The following TNR variants were observed in gnomAD, a reference collection of about 807,000 sequenced individuals.
TNR encodes the protein tenascin-R.
In TNR, 45 loss-of-function variants were observed where a neutral mutation model predicts 150.4. That is an observed-to-expected ratio of 0.30 (90% CI 0.24 to 0.38). TNR has a LOEUF of 0.38. TNR is among the 10% of genes least tolerant of loss of function. The pLI, the probability that TNR is intolerant of heterozygous loss-of-function variation, is 1.00. For synonymous variants in TNR, 687 were observed against 678.4 expected (o/e 1.01, Z -0.20); for missense variants, 1,544 against 1,759.1 (o/e 0.88, Z 2.19).
intron 1 of TNR, among the ~76,000 whole-genome samples, chr1:175,696,259 A>T: frequency 7.9e-6 from 1 of 125,910 alleles, no homozygotes; most frequent in Non-Finnish European, 1.6e-5. Flanking sequence ...AATTTAAGGG[A>T]CCAATCTAGA....
At chr1:175,374,667 C>T (rs1327689357) in intron 9 of TNR, among the ~76,000 whole-genome samples, 2 of 152,096 alleles carry the variant, frequency 1.3e-5, no homozygotes, top group Non-Finnish European at 2.9e-5. Context: ...TTTCCTAGGC[C>T]CTGTTGGCAA....
At position 175,620,339 on chromosome 1, in the gene TNR, G is replaced by A. The variant is rs79488861; in HGVS notation, c.-164-91970C>T. Among the ~76,000 whole-genome samples the A allele has an allele frequency of 1.4e-3, 214 of 152,330 alleles. 3 individuals are homozygous for A. Among genetic ancestry groups the A allele is most frequent in the African/African-American group, 4.4e-3 (184 of 41,564 alleles). On this transcript the variant is annotated intron_variant, in intron 1 of 22. Transcript: ENST00000367674. ...GGGTGTGAGCTGAGCTTGGAAGCCT[G>A]ATAGAATTGGAATAGGCAGAGAGAA...
intron 12 of TNR, 37 bp downstream of exon 12, chr1:175,364,973 C>T (rs1325483443): frequency 3.8e-6 from 6 of 1,566,292 alleles, no homozygotes; most frequent in South Asian, 1.2e-5. Context: ...CTGTGAAAAC[C>T]CCTTTCATCA....
intron 2 of TNR, among the ~76,000 whole-genome samples, chr1:175,480,236 A>G (rs892039052): frequency 5.3e-5 from 8 of 151,922 alleles, no homozygotes; most frequent in Non-Finnish European, 8.8e-5. Flanking sequence ...AAAGTTGAGA[A>G]GGCAGCACCA....
intron 1 of TNR, among the ~76,000 whole-genome samples, chr1:175,703,841 G>C (rs1666770397): frequency 6.6e-6 from 1 of 152,220 alleles, no homozygotes; most frequent in Non-Finnish European, 1.5e-5. Flanking sequence ...AGGGGTATGG[G>C]CTCTGAAGTC....
At chr1:175,328,718 C>T (rs1486738188) in intron 21 of TNR, among the ~76,000 whole-genome samples, 1 of 152,194 alleles carries the variant, frequency 6.6e-6, no homozygotes, top group East Asian at 1.9e-4. Context: ...CTGTTCTGGC[C>T]TCCATAGGCC....
chr1:175,425,768 G>T (rs769184039), intron 2 of TNR, among the ~76,000 whole-genome samples: 1 of 152,050 alleles, frequency 6.6e-6, no homozygotes, highest in African/African-American at 2.4e-5. Flanking sequence ...CATTTCTATA[G>T]GCTGGGCCTG....
At chr1:175,727,422 G>A (rs1237249378) in intron 1 of TNR, among the ~76,000 whole-genome samples, 1 of 152,208 alleles carries the variant, frequency 6.6e-6, no homozygotes, top group Admixed American at 6.5e-5. Context: ...GAGTAGTGAG[G>A]ATGGAAGCCT....
At chr1:175,653,361 T>C (rs935191667) in intron 1 of TNR, among the ~76,000 whole-genome samples, 1 of 152,168 alleles carries the variant, frequency 6.6e-6, no homozygotes, top group African/African-American at 2.4e-5. Flanking sequence ...CTTAACAACG[T>C]GGCAGTAAAT....
intron 1 of TNR, among the ~76,000 whole-genome samples, chr1:175,660,496 C>T (rs1312518623): frequency 6.6e-6 from 1 of 152,198 alleles, no homozygotes; most frequent in Non-Finnish European, 1.5e-5. Context: ...TTTCTGTGTG[C>T]CTCAGTCTCT....
At chr1:175,657,853 G>GTATATATATA (rs59315046) in intron 1 of TNR, among the ~76,000 whole-genome samples, 1,330 of 70,316 alleles carry the variant, frequency 0.019, 42 homozygotes, top group Middle Eastern at 0.029. Flanking sequence ...CATGGAACAT[G>GTATATATATA]TATATATATA....
chr1:175,555,253 C>T (rs1330449586), intron 1 of TNR, among the ~76,000 whole-genome samples: 1 of 152,116 alleles, frequency 6.6e-6, no homozygotes, highest in Non-Finnish European at 1.5e-5. Flanking sequence ...GGGGAAAAAT[C>T]TCAGATATTT....
intron 1 of TNR, among the ~76,000 whole-genome samples, chr1:175,715,989 G>A (rs1478123616): frequency 2.0e-5 from 3 of 152,184 alleles, no homozygotes; most frequent in Non-Finnish European, 2.9e-5. Context: ...ATCAATTTCC[G>A]AGTAGCAGGC....
chr1:175,541,341 T>C (rs1353801636), intron 1 of TNR, among the ~76,000 whole-genome samples: 1 of 152,256 alleles, frequency 6.6e-6, no homozygotes, highest in Non-Finnish European at 1.5e-5. Flanking sequence ...GGCAGCTCCC[T>C]GCCCCTATGG....
chr1:175,323,672 G>A (rs1371187104), intron 22 of TNR, among the ~76,000 whole-genome samples, 196 bp from the exon 23 acceptor site: 2 of 152,190 alleles, frequency 1.3e-5, no homozygotes, highest in African/African-American at 2.4e-5. Flanking sequence ...TAAATGTGCC[G>A]GTGGCCTGGG....
Position 175,359,637 on chromosome 1 carries a change from G to A in TNR, c.2949C>T (p.Tyr983=), listed in dbSNP as rs1206369429. Reference sequence around the variant, plus strand: ...CTGCAAAGTGTGTAAGAACAATGACGTAGTTCTCCACCTCACCCACTGGTG... The same window carrying A: ...CTGCAAAGTGTGTAAGAACAATGACATAGTTCTCCACCTCACCCACTGGTG... The part of the protein sequence containing the change: ...WKAPVGEVEN[Y]VIVLTHFAVA... Residue 983 remains tyrosine (Y), a synonymous_variant, in exon 15 of 23, where the codon TAC becomes TAT. Transcript: ENST00000367674. The A allele has an allele frequency of 7.4e-6, 12 of 1,613,760 alleles. No homozygotes were observed. In the East Asian group the frequency reaches 8.9e-5, roughly 12 times the overall value.
chr1:175,683,989 A>G (rs975187867), intron 1 of TNR, among the ~76,000 whole-genome samples: 5 of 152,138 alleles, frequency 3.3e-5, no homozygotes, highest in African/African-American at 1.2e-4. Flanking sequence ...CTGCTCCGGG[A>G]GCTGGGAGAC....
intron 5 of TNR, 27 bp from the exon 6 acceptor site, chr1:175,393,922 T>C (rs375653753): frequency 6.4e-6 from 10 of 1,550,754 alleles, no homozygotes; most frequent in African/African-American, 5.4e-5. Context: ...TAGGTGACAA[T>C]GTCATGGCTA....
intron 1 of TNR, among the ~76,000 whole-genome samples, chr1:175,610,710 A>G (rs936011950): frequency 1.3e-4 from 20 of 152,192 alleles, no homozygotes; most frequent in Admixed American, 5.9e-4. Flanking sequence ...CCGCAGTCCC[A>G]CTATTGCAAT....
Sources: gnomAD v4.1 joint callset for allele counts (sites outside exome capture counted in the v4.1 genomes callset) on GRCh38, gnomAD v4.1.1 for gene constraint, MANE v1.5 for transcripts, NCBI Gene and HGNC (gene_info 2026-07-23, HGNC 2026-07-21) for gene names.